Variants in TSPAN18 observed in about 807,000 individuals in gnomAD.
TSPAN18 encodes the protein tetraspanin-18.
In TSPAN18, 14 loss-of-function variants were observed where a neutral mutation model predicts 27.3. That is an observed-to-expected ratio of 0.51 (90% CI 0.34 to 0.80). TSPAN18 has a LOEUF of 0.80. Among genes scored for constraint, TSPAN18 ranks in the 30% least tolerant of loss-of-function variants. TSPAN18 has a pLI of 0.01. For missense variants in TSPAN18, 268 were observed against 323.9 expected, an observed-to-expected ratio of 0.83 and a Z score of 1.32; for synonymous variants, 143 against 136.5, an observed-to-expected ratio of 1.05 and a Z score of -0.33.
chr11:44,863,674 A>G (rs1477284146), intron 3 of TSPAN18, among the ~76,000 whole-genome samples: 1 of 152,226 alleles, frequency 6.6e-6, no homozygotes, highest in African/African-American at 2.4e-5. Context: ...CTCCTGGCCT[A>G]TAGTTTGTCA....
chr11:44,875,264 A>G lies in TSPAN18; in HGVS notation c.-11+14795A>G, dbSNP rs148256727. Among the ~76,000 whole-genome samples, 519 of 152,312 alleles carry G rather than the reference A, an allele frequency of 3.4e-3. 2 individuals are homozygous for G. The highest frequency in any genetic ancestry group is 0.011 in the African/African-American group (469 of 41,566). On this transcript the variant is annotated intron_variant, in intron 3 of 9. Coordinates refer to ENST00000520358, the MANE Select transcript of TSPAN18 (RefSeq NM_130783.5). ...TCCCCAACCAGACCTCTAAGCCTGC[A>G]ATTAGGCAAGCAGCAGAGGGCTTAG...
intron 2 of TSPAN18, among the ~76,000 whole-genome samples, chr11:44,783,062 C>T (rs556479197): frequency 6.6e-6 from 1 of 152,234 alleles, no homozygotes; most frequent in Non-Finnish European, 1.5e-5. Context: ...CTCCTGGCTC[C>T]AGTGATCCGC....
At chr11:44,856,567 A>G (rs1857744531) in intron 2 of TSPAN18, among the ~76,000 whole-genome samples, 1 of 152,172 alleles carries the variant, frequency 6.6e-6, no homozygotes, top group Admixed American at 6.5e-5. Context: ...GGAACTACAG[A>G]GCCATAGGCA....
chr11:44,888,671 C>T (rs1858742302), intron 3 of TSPAN18, among the ~76,000 whole-genome samples: 2 of 152,170 alleles, frequency 1.3e-5, no homozygotes, highest in Admixed American at 6.5e-5. Context: ...CACCATTCAG[C>T]TCTGATTTTG....
chr11:44,887,337 A>G lies in TSPAN18; in HGVS notation c.-10-19070A>G, dbSNP rs114507501. ...TTAGAACATGCAACGTCCTTAACCCAGTGCCTGGCCTGTAGAAAGTGCTTC... is the reference window on the plus strand; with the variant it reads ...TTAGAACATGCAACGTCCTTAACCCGGTGCCTGGCCTGTAGAAAGTGCTTC... On this transcript the variant is annotated intron_variant, in intron 3 of 9. Coordinates refer to ENST00000520358, the MANE Select transcript of TSPAN18 (RefSeq NM_130783.5). 8.4e-3 allele frequency among the ~76,000 whole-genome samples: 1,276 copies of G among 152,336 alleles called. 23 individuals are homozygous for G. The highest frequency in any genetic ancestry group is 0.029 in the African/African-American group (1,192 of 41,578).
intron 3 of TSPAN18, among the ~76,000 whole-genome samples, chr11:44,868,802 C>A (rs932108005): frequency 1.3e-5 from 2 of 152,228 alleles, no homozygotes; most frequent in Non-Finnish European, 2.9e-5. Context: ...TGAGGCAGGT[C>A]TGAAATAGGC....
intron 2 of TSPAN18, among the ~76,000 whole-genome samples, chr11:44,826,129 G>A (rs1435377925): frequency 6.6e-6 from 1 of 152,214 alleles, no homozygotes; most frequent in Non-Finnish European, 1.5e-5. Context: ...CAACAGGCAA[G>A]GCTAAAAGAA....
intron 2 of TSPAN18, among the ~76,000 whole-genome samples, chr11:44,777,746 TC>T (rs1159410083): frequency 6.6e-6 from 1 of 151,988 alleles, no homozygotes; most frequent in Non-Finnish European, 1.5e-5. Context: ...GCCTCCCACC[TC>T]CCCCCCTTTT....
chr11:44,871,955 G>A lies in TSPAN18; in HGVS notation c.-11+11486G>A, dbSNP rs934115282. Among the ~76,000 whole-genome samples, 8 of 151,966 alleles carry A rather than the reference G, an allele frequency of 5.3e-5. No individual in the cohort carries two copies. In the East Asian group the frequency reaches 5.8e-4, roughly 11 times the overall value. ...CTCTTTTTTTTTGAGACAGAGTCTC[G>A]CTGTGTCACCCAGGCTGGAGTGCAG... On this transcript the variant is annotated intron_variant, in intron 3 of 9. Transcript: ENST00000520358.
intron 1 of TSPAN18, among the ~76,000 whole-genome samples, chr11:44,738,326 T>A (rs1298427128): frequency 6.6e-6 from 1 of 151,456 alleles, no homozygotes; most frequent in Non-Finnish European, 1.5e-5. Flanking sequence ...AATAGAAGAG[T>A]TTTTTACAGT....
chr11:44,783,639 C>T (rs1161115894), intron 2 of TSPAN18, among the ~76,000 whole-genome samples: 4 of 152,130 alleles, frequency 2.6e-5, no homozygotes, highest in Non-Finnish European at 4.4e-5. Flanking sequence ...CCTCGCAGTC[C>T]GCCTGCCTCA....
At chr11:44,830,236 A>G (rs1857127499) in intron 2 of TSPAN18, among the ~76,000 whole-genome samples, 1 of 152,158 alleles carries the variant, frequency 6.6e-6, no homozygotes. Context: ...TTCAATGCAG[A>G]TACATCTCCT....
chr11:44,859,412 C>T (rs1670304), intron 2 of TSPAN18, among the ~76,000 whole-genome samples: 90 of 152,294 alleles, frequency 5.9e-4, no homozygotes, highest in Middle Eastern at 3.4e-3. Flanking sequence ...TTTTAATTCC[C>T]GGCAATCCTC....
intron 3 of TSPAN18, among the ~76,000 whole-genome samples, chr11:44,861,169 G>A (rs1025984618): frequency 5.3e-5 from 8 of 151,982 alleles, no homozygotes; most frequent in Non-Finnish European, 1.0e-4. Flanking sequence ...CCATGTGGCC[G>A]CAGGGCAGGC....
chr11:44,895,464 C>G (rs1030630246), intron 3 of TSPAN18, among the ~76,000 whole-genome samples: 1 of 152,232 alleles, frequency 6.6e-6, no homozygotes, highest in Non-Finnish European at 1.5e-5. Context: ...ACCAACCCAG[C>G]CTCTGCAGAA....
At chr11:44,772,261 C>G in intron 2 of TSPAN18, among the ~76,000 whole-genome samples, 1 of 152,098 alleles carries the variant, frequency 6.6e-6, no homozygotes, top group East Asian at 1.9e-4. Flanking sequence ...TATATGACAC[C>G]TAGAGCACAT....
rs1200077345 is a variant in TSPAN18 at position 44,918,009 on chromosome 11, T to C, written c.296T>C (p.Leu99Pro). 2 of 1,614,042 alleles carry C rather than the reference T, an allele frequency of 1.2e-6. No homozygotes were observed. The highest frequency in any genetic ancestry group is 1.7e-6 in the Non-Finnish European group (2 of 1,180,028). ...ATCCTGATCATCTTCCTGGCAGAGCTCTCAGCAGCCATCCTGGCCTTCATC... is the reference window on the plus strand; with the variant it reads ...ATCCTGATCATCTTCCTGGCAGAGCCCTCAGCAGCCATCCTGGCCTTCATC... Reference protein sequence around the residue: ...LFILIIFLAELSAAILAFIFR... With the variant: ...LFILIIFLAEPSAAILAFIFR... The change falls in exon 6 of 10, where the codon CTC (leucine) becomes CCC (proline). Residue 99 changes from leucine (L) to proline (P), a missense_variant. By Grantham distance (98) the Leu-to-Pro change is moderately conservative. Coordinates refer to ENST00000520358, the MANE Select transcript of TSPAN18 (RefSeq NM_130783.5).
At chr11:44,792,587 G>A (rs1393923476) in intron 2 of TSPAN18, among the ~76,000 whole-genome samples, 2 of 152,206 alleles carry the variant, frequency 1.3e-5, no homozygotes, top group African/African-American at 4.8e-5. Flanking sequence ...CAGGGCGGTG[G>A]GAATTCAGAA....
intron 2 of TSPAN18, among the ~76,000 whole-genome samples, chr11:44,846,539 C>T (rs1318646398): frequency 6.6e-6 from 1 of 151,836 alleles, no homozygotes; most frequent in Non-Finnish European, 1.5e-5. Flanking sequence ...TAAGGAGGCC[C>T]GAATATTTAA....
Sources: allele counts gnomAD v4.1 joint callset (sites outside exome capture counted in the v4.1 genomes callset), GRCh38; gene constraint gnomAD v4.1.1; transcripts MANE v1.5; gene names NCBI Gene and HGNC (gene_info 2026-07-23, HGNC 2026-07-21).